The following KHDRBS2 variants were observed in gnomAD, a reference collection of about 807,000 sequenced individuals.
KHDRBS2 encodes KH domain-containing, RNA-binding, signal transduction-associated protein 2.
KHDRBS2 carries 26 observed loss-of-function variants against 44.3 expected under a neutral mutation model. That is an observed-to-expected ratio of 0.59 (90% CI 0.43 to 0.81). KHDRBS2 has a LOEUF of 0.81. Ranked by LOEUF, KHDRBS2 falls within the 40% of genes least tolerant of loss-of-function variation. The pLI is 0.00. For synonymous variants in KHDRBS2, 194 were observed against 151.1 expected (o/e 1.28, Z -2.08); for missense variants, 476 against 433.1 (o/e 1.10, Z -0.88).
chr6:61,954,721 C>T lies in KHDRBS2; in HGVS notation c.483+23345G>A, dbSNP rs1286964454. Among the ~76,000 whole-genome samples the T allele has an allele frequency of 2.9e-3, 288 of 98,746 alleles. 89 individuals carry two copies. Among genetic ancestry groups the T allele is most frequent in the African/African-American group, 6.6e-3 (198 of 29,922 alleles). The allele number at this position is 98,746 out of a possible 152,430, so 64.8% of individuals were successfully genotyped here. A position where few individuals can be genotyped will look rare whatever the true frequency, so the allele number is the denominator to read the frequency against. ...ACATATGTGTATATACACATGCATA[C>T]TTATGTATACATACATATGTGTATA... On this transcript the variant is annotated intron_variant, in intron 4 of 8. Transcript: ENST00000281156.
chr6:61,897,923 T>C lies in KHDRBS2; in HGVS notation c.612-3090A>G, dbSNP rs542088252. Reference sequence around the variant, plus strand: ...CAGTGACTGCACTCACTGCAACATATAGTGGTGATGTGTGTTAGAGATGTC... The same window carrying C: ...CAGTGACTGCACTCACTGCAACATACAGTGGTGATGTGTGTTAGAGATGTC... On this transcript the variant is annotated intron_variant, in intron 5 of 8. Coordinates refer to ENST00000281156, the MANE Select transcript of KHDRBS2 (RefSeq NM_152688.4). Among the ~76,000 whole-genome samples, 11 of 152,254 alleles carry C rather than the reference T, an allele frequency of 7.2e-5. No individual in the cohort carries two copies. The South Asian group carries it at 2.3e-3, about 32-fold the overall frequency.
At chr6:61,963,553 A>G (rs1401042801) in intron 4 of KHDRBS2, among the ~76,000 whole-genome samples, 1 of 152,054 alleles carries the variant, frequency 6.6e-6, no homozygotes, top group Non-Finnish European at 1.5e-5. Flanking sequence ...TGAAAGGGGA[A>G]CACTGAAGAA....
intron 6 of KHDRBS2, among the ~76,000 whole-genome samples, chr6:61,811,106 C>T (rs182924798): frequency 1.9e-4 from 29 of 152,040 alleles, no homozygotes; most frequent in Non-Finnish European, 3.5e-4. Flanking sequence ...AGCCCTTTCC[C>T]CCTCCTTCCC....
At chr6:61,749,015 T>TC (rs1777259526) in intron 6 of KHDRBS2, among the ~76,000 whole-genome samples, 1 of 136,982 alleles carries the variant, frequency 7.3e-6, no homozygotes, top group East Asian at 2.1e-4. Flanking sequence ...CTTTCTTTTT[T>TC]TTTTTTTTTT....
chr6:61,967,932 GTA>G (rs369326330), intron 4 of KHDRBS2, among the ~76,000 whole-genome samples: 3,521 of 116,796 alleles, frequency 0.03, 54 homozygotes, highest in African/African-American at 0.046. Context: ...ATACACACAC[GTA>G]TATATATATA....
At chr6:61,750,760 T>TAAAAAAAAAAAAAAAA (rs61576563) in intron 6 of KHDRBS2, among the ~76,000 whole-genome samples, 1 of 116,494 alleles carries the variant, frequency 8.6e-6, no homozygotes. Flanking sequence ...GAGAAAAAAG[T>TAAAAAAAAAAAAAAAA]AAAAAAAAAA....
At chr6:61,992,960 G>T (rs971555826) in intron 3 of KHDRBS2, among the ~76,000 whole-genome samples, 2 of 152,162 alleles carry the variant, frequency 1.3e-5, no homozygotes, top group Non-Finnish European at 2.9e-5. Flanking sequence ...CGGCGTATAT[G>T]GGAGGAAAGG....
intron 1 of KHDRBS2, among the ~76,000 whole-genome samples, chr6:62,227,597 G>T (rs961878846): frequency 1.3e-5 from 2 of 152,154 alleles, no homozygotes; most frequent in Non-Finnish European, 2.9e-5. Flanking sequence ...TCCTTGTCTT[G>T]TGCCAGTTTT....
intron 4 of KHDRBS2, among the ~76,000 whole-genome samples, chr6:61,925,038 AT>A (rs1808708112): frequency 6.6e-6 from 1 of 152,194 alleles, no homozygotes; most frequent in African/African-American, 2.4e-5. Context: ...ATTATTTCAC[AT>A]TAATGACCAT....
chr6:62,201,982 G>A (rs1827086420), intron 1 of KHDRBS2, among the ~76,000 whole-genome samples: 1 of 151,416 alleles, frequency 6.6e-6, no homozygotes, highest in Non-Finnish European at 1.5e-5. Context: ...TAACCTTTAG[G>A]GTTGAAAACT....
intron 1 of KHDRBS2, among the ~76,000 whole-genome samples, chr6:62,266,285 G>C (rs532806482): frequency 1.2e-3 from 176 of 152,102 alleles, no homozygotes; most frequent in African/African-American, 3.9e-3. Flanking sequence ...CACCTTCTAC[G>C]AGCCAGGGCC....
At chr6:61,705,213 T>C (rs988958160) in intron 7 of KHDRBS2, among the ~76,000 whole-genome samples, 4 of 151,906 alleles carry the variant, frequency 2.6e-5, no homozygotes, top group Admixed American at 1.3e-4. Flanking sequence ...ATCCATTATA[T>C]GCTAATTCCT....
the KHDRBS2 span, chr6:61,574,279 C>G: frequency 7.5e-7 from 1 of 1,325,756 alleles, no homozygotes; most frequent in African/African-American, 1.4e-5. Flanking sequence ...GTACCCTAAC[C>G]GTGCAAAGGT....
At chr6:62,198,332 C>T (rs570561660) in intron 1 of KHDRBS2, among the ~76,000 whole-genome samples, 28 of 152,114 alleles carry the variant, frequency 1.8e-4, no homozygotes, top group Middle Eastern at 6.8e-3. Flanking sequence ...AATTGATAGA[C>T]CGCTAGCAAG....
chr6:61,846,176 C>T (rs1408602556), intron 6 of KHDRBS2, among the ~76,000 whole-genome samples: 3 of 152,174 alleles, frequency 2.0e-5, no homozygotes, highest in Non-Finnish European at 4.4e-5. Context: ...GCCAATTAAA[C>T]CCTTTTCTTA....
chr6:62,201,493 A>T (rs1327313407), intron 1 of KHDRBS2, among the ~76,000 whole-genome samples: 1 of 152,136 alleles, frequency 6.6e-6, no homozygotes, highest in South Asian at 2.1e-4. Flanking sequence ...TATAAATAGG[A>T]GACAATGAGG....
chr6:61,817,975 T>C (rs1382854323), intron 6 of KHDRBS2, among the ~76,000 whole-genome samples: 2 of 152,006 alleles, frequency 1.3e-5, no homozygotes, highest in Admixed American at 6.6e-5. Context: ...ACAACTCCCA[T>C]AGATTAAAGT....
At chr6:61,563,818 A>T in the KHDRBS2 span, among the ~76,000 whole-genome samples, 1 of 152,156 alleles carries the variant, frequency 6.6e-6, no homozygotes, top group Non-Finnish European at 1.5e-5. Flanking sequence ...AGGATAAGAT[A>T]GTTAAACAAA....
the KHDRBS2 span, among the ~76,000 whole-genome samples, chr6:61,673,372 G>T: frequency 6.6e-6 from 1 of 151,946 alleles, no homozygotes; most frequent in South Asian, 2.1e-4. Context: ...ACAAGACAGG[G>T]ATGCCCTCTC....
Sources: allele counts gnomAD v4.1 joint callset (sites outside exome capture counted in the v4.1 genomes callset), GRCh38; gene constraint gnomAD v4.1.1; transcripts MANE v1.5; gene names NCBI Gene and HGNC (gene_info 2026-07-23, HGNC 2026-07-21).